ROBO1: variants seen among roughly 807,000 people sequenced by gnomAD.
The protein encoded by ROBO1 is roundabout guidance receptor 1, also known as roundabout homolog 1.
Under a neutral mutation model 195.9 loss-of-function variants are expected in ROBO1, and 149 were observed. That is an observed-to-expected ratio of 0.76 (90% CI 0.67 to 0.87). ROBO1 has a LOEUF of 0.87. ROBO1 is among the 40% of genes least tolerant of loss of function. ROBO1 has a pLI of 0.00. For missense variants in ROBO1, 1,933 were observed against 2,068.3 expected (o/e 0.93, Z 1.27); for synonymous variants, 816 against 733.2 (o/e 1.11, Z -1.82).
At chr3:79,328,253 G>A (rs1353461341) in intron 2 of ROBO1, among the ~76,000 whole-genome samples, 2 of 152,124 alleles carry the variant, frequency 1.3e-5, no homozygotes, top group Admixed American at 6.5e-5. Context: ...AGAGCCAGCT[G>A]TATTAACGCA....
intron 1 of ROBO1, among the ~76,000 whole-genome samples, chr3:79,650,742 A>G (rs960816961): frequency 1.3e-5 from 2 of 151,944 alleles, no homozygotes; most frequent in South Asian, 2.1e-4. Context: ...GATATTGAGT[A>G]AAATAATAGT....
intron 2 of ROBO1, among the ~76,000 whole-genome samples, chr3:79,432,978 G>T (rs1234010541): frequency 1.3e-5 from 2 of 152,146 alleles, no homozygotes; most frequent in Non-Finnish European, 2.9e-5. Context: ...ATTATGTATA[G>T]TTATTTTTAA....
intron 4 of ROBO1, among the ~76,000 whole-genome samples, chr3:78,886,797 A>C (rs1576347451): frequency 6.6e-6 from 1 of 152,268 alleles, no homozygotes; most frequent in Non-Finnish European, 1.5e-5. Context: ...ATAAAAAACC[A>C]TTAAAACTAA....
intron 1 of ROBO1, among the ~76,000 whole-genome samples, chr3:79,623,800 C>T (rs1361987439): frequency 5.3e-5 from 8 of 152,108 alleles, no homozygotes; most frequent in African/African-American, 1.9e-4. Flanking sequence ...AGAACTTTCC[C>T]AACCTAGCAA....
In ROBO1 at chr3:79,686,970, C is replaced by T. The variant is rs532986385; in HGVS notation, c.-51+80782G>A. ...TCATGCAACCTGACTTCAAACTATA[C>T]TATAAGGCTACAGTAACCAAAACAG... On this transcript the variant is annotated intron_variant, in intron 1 of 30. Coordinates refer to ENST00000464233, the MANE Select transcript of ROBO1 (RefSeq NM_002941.4). 3.9e-5 allele frequency among the ~76,000 whole-genome samples: 6 copies of T among 152,254 alleles called. No homozygotes were observed. The South Asian group carries it at 1.2e-3, about 32-fold the overall frequency.
chr3:79,252,632 A>G (rs78093802), intron 2 of ROBO1, among the ~76,000 whole-genome samples: 10,392 of 152,190 alleles, frequency 0.068, 448 homozygotes, highest in African/African-American at 0.12. Flanking sequence ...TAAAGCATGT[A>G]CCAATAATTG....
chr3:79,372,590 C>G (rs1285735292), intron 2 of ROBO1, among the ~76,000 whole-genome samples: 1 of 151,982 alleles, frequency 6.6e-6, no homozygotes, highest in African/African-American at 2.4e-5. Context: ...CTGCCTTCCC[C>G]CCTACCCCTC....
intron 3 of ROBO1, among the ~76,000 whole-genome samples, chr3:79,122,385 C>T (rs978953492): frequency 5.9e-5 from 9 of 151,914 alleles, no homozygotes; most frequent in African/African-American, 1.9e-4. Context: ...TATTTCAAAA[C>T]CTTACATGGC....
intron 4 of ROBO1, among the ~76,000 whole-genome samples, chr3:78,828,995 A>G (rs2031897446): frequency 6.6e-6 from 1 of 152,232 alleles, no homozygotes; most frequent in Non-Finnish European, 1.5e-5. Context: ...TTCTCAGGGA[A>G]TCATTTAGTA....
intron 4 of ROBO1, among the ~76,000 whole-genome samples, chr3:78,775,826 C>T (rs2083489750): frequency 6.6e-6 from 1 of 152,166 alleles, no homozygotes; most frequent in Non-Finnish European, 1.5e-5. Flanking sequence ...CTCCCAGTTG[C>T]CTTAGCTGTT....
chr3:78,663,819 TG>T (rs1202315041), intron 14 of ROBO1, among the ~76,000 whole-genome samples: 2 of 152,222 alleles, frequency 1.3e-5, no homozygotes, highest in African/African-American at 2.4e-5. Flanking sequence ...AATGTATTCA[TG>T]TGTGGAAAAC....
chr3:79,117,790 A>G (rs551653907), intron 3 of ROBO1, among the ~76,000 whole-genome samples: 1 of 152,190 alleles, frequency 6.6e-6, no homozygotes, highest in Non-Finnish European at 1.5e-5. Context: ...TTTGAAATAA[A>G]TGGAAGGTGG....
chr3:78,746,399 C>G (rs889666539), intron 5 of ROBO1, among the ~76,000 whole-genome samples: 1 of 152,094 alleles, frequency 6.6e-6, no homozygotes, highest in Non-Finnish European at 1.5e-5. Flanking sequence ...TACTAAATAA[C>G]AGATTTTCTT....
chr3:79,103,068 T>C (rs1057216604), intron 3 of ROBO1, among the ~76,000 whole-genome samples: 2 of 151,828 alleles, frequency 1.3e-5, no homozygotes, highest in Admixed American at 6.6e-5. Context: ...AATCACATTA[T>C]TTGATATGTT....
intron 3 of ROBO1, among the ~76,000 whole-genome samples, chr3:79,057,620 C>T (rs1203140288): frequency 6.6e-6 from 1 of 152,002 alleles, no homozygotes; most frequent in Non-Finnish European, 1.5e-5. Context: ...TTCTATTACC[C>T]TGGAAATAAC....
chr3:79,214,047 AATTCCT>A (rs2082012022), intron 2 of ROBO1, among the ~76,000 whole-genome samples: 1 of 151,874 alleles, frequency 6.6e-6, no homozygotes, highest in South Asian at 2.1e-4. Context: ...GCTGGTCTCG[AATTCCT>A]GACCTCAAGT....
At chr3:79,426,333 C>CT (rs2038446207) in intron 2 of ROBO1, among the ~76,000 whole-genome samples, 3 of 151,870 alleles carry the variant, frequency 2.0e-5, no homozygotes, top group Admixed American at 6.6e-5. Flanking sequence ...TTTCTCTTCT[C>CT]TTACTTCCTT....
At chr3:78,756,228 C>G (rs1318421139) in intron 4 of ROBO1, among the ~76,000 whole-genome samples, 1 of 152,006 alleles carries the variant, frequency 6.6e-6, no homozygotes, top group African/African-American at 2.4e-5. Flanking sequence ...ACAAAAAACA[C>G]TCAGTTATTT....
intron 2 of ROBO1, among the ~76,000 whole-genome samples, chr3:79,373,699 T>TAGGATAGCCTTCAGC (rs2036283495): frequency 6.6e-6 from 1 of 152,236 alleles, no homozygotes; most frequent in South Asian, 2.1e-4. Context: ...CTGAAGTGAA[T>TAGGATAGCCTTCAGC]TTATTGTGTG....
Sources: gnomAD v4.1 joint callset for allele counts (sites outside exome capture counted in the v4.1 genomes callset) on GRCh38, gnomAD v4.1.1 for gene constraint, MANE v1.5 for transcripts, NCBI Gene and HGNC (gene_info 2026-07-23, HGNC 2026-07-21) for gene names.